TMEM232: variants seen among roughly 807,000 people sequenced by gnomAD.
The protein encoded by TMEM232 is transmembrane protein 232.
TMEM232 carries 80 observed loss-of-function variants against 78.8 expected under a neutral mutation model. The ratio of observed to expected loss-of-function variants is 1.01; its 90% confidence interval spans 0.85 to 1.22. The LOEUF (loss-of-function observed/expected upper bound fraction) is 1.22. Among genes scored for constraint, TMEM232 ranks in the 50% most tolerant of loss-of-function variants. The probability of loss-of-function intolerance (pLI) is 0.00; values close to 1 mark genes in which losing one functional copy is unlikely to be tolerated. For missense variants in TMEM232, 881 were observed against 742.2 expected, an observed-to-expected ratio of 1.19 and a Z score of -2.17; for synonymous variants, 297 against 254.3, an observed-to-expected ratio of 1.17 and a Z score of -1.60.
At chr5:110,609,188 G>A (rs1303781711) in intron 8 of TMEM232, among the ~76,000 whole-genome samples, 3 of 151,716 alleles carry the variant, frequency 2.0e-5, no homozygotes, top group African/African-American at 7.3e-5. Context: ...TCAACATTGC[G>A]ACAAATATTC....
chr5:110,568,713 C>T, intron 10 of TMEM232, 88 bp from the exon 11 acceptor site: 1 of 1,262,830 alleles, frequency 7.9e-7, no homozygotes, highest in Non-Finnish European at 1.1e-6. Flanking sequence ...ACCAATTTTA[C>T]TATAATTCAT....
intron 12 of TMEM232, among the ~76,000 whole-genome samples, chr5:110,470,844 A>C (rs1449818851): frequency 6.6e-6 from 1 of 152,356 alleles, no homozygotes; most frequent in African/African-American, 2.4e-5. Context: ...AATCAAGAAA[A>C]TCTGACACCA....
At chr5:110,528,221 C>A (rs544036644) in intron 12 of TMEM232, among the ~76,000 whole-genome samples, 1 of 151,828 alleles carries the variant, frequency 6.6e-6, no homozygotes, top group South Asian at 2.1e-4. Flanking sequence ...ATGTTCAAGA[C>A]TCTAACTTAG....
At chr5:110,629,488 GTTC>G (rs1329819559) in intron 5 of TMEM232, among the ~76,000 whole-genome samples, 3 of 151,974 alleles carry the variant, frequency 2.0e-5, no homozygotes, top group African/African-American at 7.2e-5. Context: ...TCTATGTATT[GTTC>G]TTCATGTATT....
In TMEM232 at chr5:110,528,469, A is replaced by G. The variant is rs1770936219; in HGVS notation, c.1703+119T>C. 4.3e-6 allele frequency: 5 copies of G among 1,173,270 alleles called. No homozygotes were observed. The South Asian group carries it at 1.1e-4, about 25-fold the overall frequency. The allele number at this position is 1,173,270 out of a possible 1,614,324, so 72.7% of individuals were successfully genotyped here. A position where few individuals can be genotyped will look rare whatever the true frequency, so the allele number is the denominator to read the frequency against. On this transcript the variant is annotated intron_variant, in intron 12 of 13. Coordinates refer to ENST00000455884, the MANE Select transcript of TMEM232 (RefSeq NM_001039763.4). The stretch of plus-strand genomic sequence containing the variant: ...AGATCATCTAAGAGGTGATCAAGCC[A>G]AAATTTGAATTGAAGAAGAGAAACT...
intron 8 of TMEM232, chr5:110,610,477 T>C: frequency 2.3e-6 from 1 of 437,234 alleles, no homozygotes; most frequent in Non-Finnish European, 4.5e-6. Context: ...GGAACACATA[T>C]GAACTATGAG....
intron 12 of TMEM232, among the ~76,000 whole-genome samples, chr5:110,509,332 G>T (rs1234096230): frequency 2.0e-5 from 3 of 152,012 alleles, no homozygotes; most frequent in African/African-American, 4.8e-5. Context: ...CTACTCAGGA[G>T]GCTGAGAGGC....
At position 110,725,732 on chromosome 5, in the gene TMEM232, C is replaced by CT. The variant is rs1033076439; in HGVS notation, c.-13+894dup. ...TGCAACCTGGCACAGACCCAGATTT[C>CT]TTTTTTTAGTTTTACTATTAATTCT... On this transcript the variant is annotated intron_variant, in intron 1 of 13. Transcript: ENST00000455884. 2.0e-5 allele frequency: 3 copies of CT among 152,158 alleles called. No homozygotes were observed. The South Asian group carries it at 6.2e-4, about 32-fold the overall frequency. The allele number at this position is 152,158 out of a possible 1,614,324, so 9.4% of individuals were successfully genotyped here. A position where few individuals can be genotyped will look rare whatever the true frequency, so the allele number is the denominator to read the frequency against.
At chr5:110,453,458 C>G (rs543995528) in intron 12 of TMEM232, among the ~76,000 whole-genome samples, 1 of 152,016 alleles carries the variant, frequency 6.6e-6, no homozygotes, top group Non-Finnish European at 1.5e-5. Flanking sequence ...TGCTCCACCA[C>G]GTCCAGCTAA....
At chr5:110,732,808 C>T (rs1002705605) in intron 2 of TMEM232, among the ~76,000 whole-genome samples, 1 of 152,106 alleles carries the variant, frequency 6.6e-6, no homozygotes, top group Non-Finnish European at 1.5e-5. Context: ...ATAAATGGAA[C>T]AGTATCTGAA....
chr5:110,615,241 C>T (rs913561726), intron 8 of TMEM232, among the ~76,000 whole-genome samples: 15 of 151,890 alleles, frequency 9.9e-5, no homozygotes, highest in African/African-American at 3.6e-4. Context: ...TTAGAAGGGT[C>T]TACAGTTGAT....
intron 1 of TMEM232, among the ~76,000 whole-genome samples, chr5:110,736,401 G>C (rs1034007859): frequency 6.6e-6 from 1 of 151,934 alleles, no homozygotes; most frequent in Non-Finnish European, 1.5e-5. Context: ...AGTTTTTAGA[G>C]CAATTAAATA....
In TMEM232 at chr5:110,593,475, T is replaced by C. The variant is rs915353689; in HGVS notation, c.1276+11634A>G. On this transcript the variant is annotated intron_variant, in intron 10 of 13. Transcript: ENST00000455884. ...CAGATTTTCTTTATCCATTCATCTG[T>C]TGAGAGACACTTGTAAAAAATTATG... is the stretch of plus-strand genomic sequence containing the variant. Among the ~76,000 whole-genome samples the C allele has an allele frequency of 3.3e-5, 5 of 152,214 alleles. No individual in the cohort carries two copies. The South Asian group carries it at 1.0e-3, about 32-fold the overall frequency.
At chr5:110,666,654 T>A (rs1790629540) in intron 2 of TMEM232, 1 of 152,154 alleles carries the variant, frequency 6.6e-6, no homozygotes, top group South Asian at 2.1e-4. Context: ...TAATGATATA[T>A]TTTGAATTTT....
chr5:110,416,100 C>T (rs904693039), downstream of TMEM232, among the ~76,000 whole-genome samples: 1 of 152,078 alleles, frequency 6.6e-6, no homozygotes, highest in South Asian at 2.1e-4. Flanking sequence ...TAAAACTATA[C>T]AAATATATAA....
rs182085821 is a variant in TMEM232, at chr5:110,587,334, T to G, written c.1276+17775A>C. ...AGCTTATAAAATAAACTGTTAGACT[T>G]CATGAATCTCCAGCATATGATATTT... On this transcript the variant is annotated intron_variant, in intron 10 of 13. Coordinates refer to ENST00000455884, the MANE Select transcript of TMEM232 (RefSeq NM_001039763.4). Among the ~76,000 whole-genome samples, 553 of 152,160 alleles carry G rather than the reference T, an allele frequency of 3.6e-3. 2 individuals are homozygous for G. The highest frequency in any genetic ancestry group is 5.1e-3 in the Non-Finnish European group (344 of 67,956).
chr5:110,422,519 C>CAAAAAAA (rs34448955), intron 13 of TMEM232, among the ~76,000 whole-genome samples: 1 of 34,558 alleles, frequency 2.9e-5, no homozygotes, highest in African/African-American at 8.9e-5. Flanking sequence ...GACTCTGTCT[C>CAAAAAAA]AAAAAAAAAA....
intron 10 of TMEM232, among the ~76,000 whole-genome samples, chr5:110,574,170 A>G (rs1413065369): frequency 6.6e-6 from 1 of 152,096 alleles, no homozygotes; most frequent in Admixed American, 6.6e-5. Flanking sequence ...CATGTTCTAC[A>G]TTAGCTCTCT....
chr5:110,649,806 C>A (rs765285875), intron 2 of TMEM232, among the ~76,000 whole-genome samples: 4 of 151,876 alleles, frequency 2.6e-5, no homozygotes, highest in Non-Finnish European at 4.4e-5. Context: ...GCTTTTTTGT[C>A]TTTTTATTAA....
Sources: gnomAD v4.1 joint callset for allele counts (sites outside exome capture counted in the v4.1 genomes callset) on GRCh38, gnomAD v4.1.1 for gene constraint, MANE v1.5 for transcripts, NCBI Gene and HGNC (gene_info 2026-07-23, HGNC 2026-07-21) for gene names.